The following DST variants were observed in gnomAD, a reference collection of about 807,000 sequenced individuals.
The protein encoded by DST is bullous pemphigoid antigen.
In DST, 253 loss-of-function variants were observed where a neutral mutation model predicts 875.2. The ratio of observed to expected loss-of-function variants is 0.29; its 90% CI spans 0.26 to 0.32. The LOEUF (loss-of-function observed/expected upper bound fraction) is 0.32, where lower values mean the gene tolerates loss of function less well. Ranked by LOEUF, DST falls within the 10% of genes least tolerant of loss-of-function variation. The probability of loss-of-function intolerance (pLI) is 1.00; values close to 1 mark genes in which losing one functional copy is unlikely to be tolerated. For synonymous variants in DST, 3,124 were observed against 3,197.1 expected, an observed-to-expected ratio of 0.98 and a Z score of 0.77; for missense variants, 8,287 against 9,111.6, an observed-to-expected ratio of 0.91 and a Z score of 3.68.
chr6:56,898,570 T>C (rs1285608689), intron 3 of DST, among the ~76,000 whole-genome samples: 1 of 152,238 alleles, frequency 6.6e-6, no homozygotes. Flanking sequence ...CTGATGCCTA[T>C]TACACAAAAT....
At chr6:56,716,354 C>A (rs979002182) in intron 5 of DST, among the ~76,000 whole-genome samples, 2 of 152,148 alleles carry the variant, frequency 1.3e-5, no homozygotes, top group Non-Finnish European at 2.9e-5. Context: ...AATATCCTTA[C>A]GCAAAATCAT....
At chr6:56,512,487 A>G (rs2096496404) in intron 72 of DST, among the ~76,000 whole-genome samples, 1 of 152,160 alleles carries the variant, frequency 6.6e-6, no homozygotes, top group South Asian at 2.1e-4. Context: ...GCACCACATT[A>G]TTGATTAGGT....
At chr6:56,751,989 AT>A (rs1445284734) in intron 4 of DST, among the ~76,000 whole-genome samples, 1 of 152,176 alleles carries the variant, frequency 6.6e-6, no homozygotes, top group South Asian at 2.1e-4. Flanking sequence ...TAAGTTAATA[AT>A]GGCTTGAATC....
chr6:56,631,613 T>C (rs759812834), intron 29 of DST, among the ~76,000 whole-genome samples: 1 of 152,240 alleles, frequency 6.6e-6, no homozygotes, highest in Non-Finnish European at 1.5e-5. Context: ...TTAGTACTTT[T>C]GCACACAGCA....
chr6:56,770,078 A>G (rs1477352153), intron 4 of DST, among the ~76,000 whole-genome samples: 3 of 152,196 alleles, frequency 2.0e-5, no homozygotes, highest in African/African-American at 7.2e-5. Context: ...TTCTCATTGC[A>G]TATGAATCTG....
chr6:56,642,122 G>A lies in DST; in HGVS notation c.1873-21C>T, dbSNP rs747544200. 7.6e-6 allele frequency: 12 copies of A among 1,586,618 alleles called. No individual in the cohort carries two copies. In the South Asian group the frequency reaches 1.3e-4, roughly 18 times the overall value. On this transcript the variant is annotated intron_variant, in intron 16 of 103. Transcript: ENST00000680361. ...GAATCCTGTATTTTAAAAGAACTCA[G>A]TATTAATTCTGTGAAACAAGTTTCA... is the stretch of plus-strand genomic sequence containing the variant.
At chr6:56,916,823 C>CAGAGAG (rs1554257548) in intron 2 of DST, among the ~76,000 whole-genome samples, 11 of 140,758 alleles carry the variant, frequency 7.8e-5, no homozygotes, top group East Asian at 2.2e-4. Flanking sequence ...CACACACACA[C>CAGAGAG]AGAGAGACAG....
Position 56,553,438 on chromosome 6 carries a change from A to G in DST, c.15354T>C (p.Ile5118=). The change falls in exon 61 of 104, where the codon ATT becomes ATC. Residue 5118 remains isoleucine, a synonymous_variant. Coordinates refer to ENST00000680361, the MANE Select transcript of DST (RefSeq NM_001374736.1). ...TAQSHMYEKT[I]AEGENLLLKT... Reference sequence around the variant, plus strand: ...TTAATAACAGATTTTCACCTTCTGCAATGGTTTTTTCATACATATGAGACT... The same window carrying G: ...TTAATAACAGATTTTCACCTTCTGCGATGGTTTTTTCATACATATGAGACT... 6.2e-7 allele frequency: 1 copy of G among 1,604,782 alleles called. No individual in the cohort carries two copies. The highest frequency in any genetic ancestry group is 8.5e-7 in the Non-Finnish European group (1 of 1,176,722).
intron 4 of DST, among the ~76,000 whole-genome samples, chr6:56,764,809 T>C (rs2099628629): frequency 6.6e-6 from 1 of 151,920 alleles, no homozygotes; most frequent in African/African-American, 2.4e-5. Flanking sequence ...ATACAAAAAT[T>C]AGCCGTGCAT....
rs1293099021 is a variant in DST, at chr6:56,601,499, G to T, written c.11485C>A (p.Gln3829Lys). ...AACTGAGTCTCTAAACGTTCCACCT[G>T]GGTAGTTACTGACTCCTGTACATCA... ...FLDVQESVTT[Q>K]VERLETQLHL... The change falls in exon 44 of 104, where the codon CAG becomes AAG. Residue 3829 changes from glutamine (Q) to lysine (K), a missense_variant. This residue lies in a region of DST where 3,138 missense variants were observed against 3,116.6 expected (regional missense o/e 1.01). Coordinates refer to ENST00000680361, the MANE Select transcript of DST (RefSeq NM_001374736.1). 1.9e-6 allele frequency: 3 copies of T among 1,606,062 alleles called. No homozygotes were observed. The African/African-American group carries it at 4.0e-5, about 21-fold the overall frequency.
intron 10 of DST, among the ~76,000 whole-genome samples, chr6:56,655,118 G>A (rs113113375): frequency 4.2e-5 from 6 of 143,094 alleles, no homozygotes; most frequent in Non-Finnish European, 8.9e-5. Context: ...CCGAGATCGC[G>A]CCATTGCATC....
At position 56,492,339 on chromosome 6, in the gene DST, A is replaced by T; in HGVS notation, c.20645T>A (p.Val6882Asp). ...HLKYFSQKQDVVLIKNLLISV... is the reference protein window; with the variant it reads ...HLKYFSQKQDDVLIKNLLISV... ...GATAAGTAGATTCTTGATTAGAACA[A>T]CATCTTGTTTCTGACTAAAATATTT... Residue 6882 changes from valine (V) to aspartate (D), a missense_variant, in exon 85 of 104, where the codon GTT becomes GAT. Coordinates refer to ENST00000680361, the MANE Select transcript of DST (RefSeq NM_001374736.1). 6.2e-7 allele frequency: 1 copy of T among 1,613,824 alleles called. No individual in the cohort carries two copies. The highest frequency in any genetic ancestry group is 1.1e-5 in the South Asian group (1 of 91,080).
chr6:56,546,376 A>G (rs2097224697), intron 61 of DST, among the ~76,000 whole-genome samples: 1 of 137,674 alleles, frequency 7.3e-6, no homozygotes, highest in African/African-American at 2.6e-5. Context: ...ATATATATAT[A>G]TATATATATA....
At chr6:56,889,483 G>C (rs903523154) in intron 3 of DST, among the ~76,000 whole-genome samples, 1 of 152,204 alleles carries the variant, frequency 6.6e-6, no homozygotes, top group African/African-American at 2.4e-5. Flanking sequence ...CAGGTGCTCA[G>C]AGGCTAAGAT....
chr6:56,910,438 T>C (rs1353036963), intron 2 of DST, among the ~76,000 whole-genome samples: 1 of 152,182 alleles, frequency 6.6e-6, no homozygotes, highest in African/African-American at 2.4e-5. Flanking sequence ...ATTATAGGCA[T>C]GAGCCACTGT....
At chr6:56,658,749 GAAGTAAGGCAC>G (rs1398039622) in intron 10 of DST, among the ~76,000 whole-genome samples, 2 of 152,182 alleles carry the variant, frequency 1.3e-5, no homozygotes, top group Non-Finnish European at 2.9e-5. Flanking sequence ...CATGTTCCAG[GAAGTAAGGCAC>G]TGAGAACAGC....
chr6:56,709,338 C>A (rs141997353), intron 5 of DST, among the ~76,000 whole-genome samples: 1 of 152,188 alleles, frequency 6.6e-6, no homozygotes, highest in Non-Finnish European at 1.5e-5. Context: ...GGAGTGAGAA[C>A]ACATTAGCTC....
chr6:56,677,295 C>G (rs1484095049), intron 9 of DST, among the ~76,000 whole-genome samples: 2 of 152,096 alleles, frequency 1.3e-5, no homozygotes, highest in Non-Finnish European at 2.9e-5. Context: ...TCTCCCACCA[C>G]TACTTATGTA....
At chr6:56,587,082 A>G (rs951344451) in intron 49 of DST, among the ~76,000 whole-genome samples, 1 of 152,208 alleles carries the variant, frequency 6.6e-6, no homozygotes, top group Non-Finnish European at 1.5e-5. Context: ...ACGAGTTGAG[A>G]GAAGAAGGCT....
Sources: allele counts gnomAD v4.1 joint callset (sites outside exome capture counted in the v4.1 genomes callset), GRCh38; gene constraint gnomAD v4.1.1; regional missense constraint gnomAD v4.1.1; transcripts MANE v1.5; gene names NCBI Gene and HGNC (gene_info 2026-07-23, HGNC 2026-07-21).